The following ACO1 variants were observed in gnomAD, a reference collection of about 807,000 sequenced individuals.
ACO1 encodes the protein cytoplasmic aconitate hydratase.
Under a neutral mutation model 105.1 loss-of-function variants are expected in ACO1, and 78 were observed. That is an observed-to-expected ratio of 0.74 (90% CI 0.62 to 0.90). The LOEUF is 0.90. Among genes scored for constraint, ACO1 ranks in the 40% least tolerant of loss-of-function variants. The pLI is 0.00. For synonymous variants in ACO1, 364 were observed against 397.4 expected (o/e 0.92, Z 1.00); for missense variants, 965 against 1,111.1 (o/e 0.87, Z 1.87).
intron 9 of ACO1, among the ~76,000 whole-genome samples, 192 bp downstream of exon 9, chr9:32,423,611 C>T (rs1369825904): frequency 6.6e-6 from 1 of 152,222 alleles, no homozygotes; most frequent in African/African-American, 2.4e-5. Context: ...AATATAACTT[C>T]TTACATTCCT....
Position 32,448,996 on chromosome 9 carries a change from C to G in ACO1, c.2471C>G (p.Ala824Gly). The change falls in exon 20 of 21, where the codon GCA becomes GGA. Residue 824 changes from alanine (A) to glycine (G), a missense_variant. Ala to Gly is a moderately conservative substitution (Grantham distance 60, BLOSUM62 0). Transcript: ENST00000309951. The stretch of plus-strand genomic sequence containing the variant: ...CTTGAATATCTCCCTGGTGAGAATG[C>G]AGATGCCCTGGGGCTCACAGGGCAA... ...IPLEYLPGEN[A>G]DALGLTGQER... 6.2e-7 allele frequency: 1 copy of G among 1,614,150 alleles called. No homozygotes were observed.
chr9:32,409,265 G>A (rs774984109), intron 4 of ACO1, among the ~76,000 whole-genome samples: 1 of 152,208 alleles, frequency 6.6e-6, no homozygotes, highest in Non-Finnish European at 1.5e-5. Flanking sequence ...GAGTGGGCCT[G>A]TAGCCCTTGA....
intron 1 of ACO1, among the ~76,000 whole-genome samples, chr9:32,394,341 T>C (rs1821327220): frequency 6.6e-6 from 1 of 152,208 alleles, no homozygotes; most frequent in South Asian, 2.1e-4. Flanking sequence ...TAGCATGGGC[T>C]GCATGATGTT....
At chr9:32,422,066 T>G (rs762647252) in intron 8 of ACO1, among the ~76,000 whole-genome samples, 1 of 152,192 alleles carries the variant, frequency 6.6e-6, no homozygotes, top group Non-Finnish European at 1.5e-5. Flanking sequence ...AAAAGATAAC[T>G]AAAAGAACAG....
At chr9:32,448,827 T>C (rs1321364657) in intron 19 of ACO1, 69 bp from the exon 20 acceptor site, 2 of 1,565,368 alleles carry the variant, frequency 1.3e-6, no homozygotes, top group African/African-American at 2.7e-5. Flanking sequence ...TCTCACAAAG[T>C]CTTTTGTAAA....
chr9:32,447,560 G>C (rs1444031508), intron 19 of ACO1, among the ~76,000 whole-genome samples: 1 of 152,158 alleles, frequency 6.6e-6, no homozygotes, highest in Non-Finnish European at 1.5e-5. Context: ...TCTGAAGCCT[G>C]CTTCTGTCAA....
intron 1 of ACO1, among the ~76,000 whole-genome samples, chr9:32,398,492 T>C (rs1179273810): frequency 2.0e-5 from 3 of 152,124 alleles, no homozygotes; most frequent in Non-Finnish European, 4.4e-5. Context: ...ATGTGCAGTC[T>C]CCCTCACAAA....
At chr9:32,393,748 C>T (rs780921052) in intron 1 of ACO1, among the ~76,000 whole-genome samples, 1 of 152,002 alleles carries the variant, frequency 6.6e-6, no homozygotes, top group Admixed American at 6.6e-5. Context: ...TCAGACCGGC[C>T]GACACTTAGG....
intron 1 of ACO1, among the ~76,000 whole-genome samples, chr9:32,394,042 C>T (rs1463269553): frequency 1.3e-5 from 2 of 152,196 alleles, no homozygotes; most frequent in Non-Finnish European, 2.9e-5. Context: ...TTGCAGCAAC[C>T]TGGACCTTGC....
intron 1 of ACO1, among the ~76,000 whole-genome samples, chr9:32,401,332 GT>G (rs56109134): frequency 0.14 from 20,113 of 148,278 alleles, 1,478 homozygotes; most frequent in East Asian, 0.29. Context: ...GATTTTAAGG[GT>G]TTTTTTTTTC....
intron 1 of ACO1, among the ~76,000 whole-genome samples, chr9:32,397,060 A>G (rs1371958763): frequency 1.3e-5 from 2 of 152,130 alleles, no homozygotes; most frequent in Non-Finnish European, 2.9e-5. Flanking sequence ...AAAATAGACC[A>G]CTAACTTAAA....
At position 32,435,427 on chromosome 9, in the gene ACO1, A is replaced by G. The variant is rs565711202; in HGVS notation, c.2099+726A>G. Among the ~76,000 whole-genome samples, 398 of 152,266 alleles carry G rather than the reference A, an allele frequency of 2.6e-3. 3 individuals carry two copies. Among genetic ancestry groups the G allele is most frequent in the Non-Finnish European group, 4.2e-3 (287 of 68,002 alleles). ...CCTTCCCAGAAAAATGCACATACCC[A>G]CAACATTTTGGATAGTTTCAGGGAT... is the stretch of plus-strand genomic sequence containing the variant. On this transcript the variant is annotated intron_variant, in intron 17 of 20. Transcript: ENST00000309951.
At chr9:32,445,556 C>T in intron 19 of ACO1, 1 of 271,562 alleles carries the variant, frequency 3.7e-6, no homozygotes, top group South Asian at 3.1e-5. Flanking sequence ...TTTCAAAAAA[C>T]CAGCTCCTGG....
intron 6 of ACO1, 39 bp from the exon 7 acceptor site, chr9:32,418,999 G>A (rs1587534144): frequency 6.5e-7 from 1 of 1,535,846 alleles, no homozygotes; most frequent in Non-Finnish European, 8.8e-7. Context: ...AGAGTAAGGG[G>A]TAATGAAGGC....
Position 32,429,501 on chromosome 9 carries a change from CA to C in ACO1, c.1568del (p.Gln523ArgfsTer5). On this transcript the variant is annotated frameshift_variant and splice_region_variant, in exon 13 of 21. Transcript: ENST00000309951. LOFTEE classifies it high-confidence loss of function. ...TGAACCTGTGGTAGAAGCCATCACA[CA>C]GGTAATTGCAGAGGTCCCTGCAGGT... Reference protein sequence around the residue: ...LPEPVVEAITQGDLVAVGVLS... With the variant: ...LPEPVVEAITXGDLVAVGVLS... The C allele has an allele frequency of 6.2e-7, 1 of 1,613,786 alleles. No homozygotes were observed.
At position 32,425,870 on chromosome 9, in the gene ACO1, A is replaced by G; in HGVS notation, c.1221A>G (p.Glu407=). 4.3e-6 allele frequency: 7 copies of G among 1,613,760 alleles called. No homozygotes were observed. Among genetic ancestry groups the G allele is most frequent in the Non-Finnish European group, 5.9e-6 (7 of 1,179,734 alleles). ...TTAAAGGATTCCAAGTTGCTCCTGA[A>G]CATCATAATGACCATAAGACCTTTA... ...QGFKGFQVAP[E]HHNDHKTFIY... The change falls in exon 11 of 21, where the codon GAA becomes GAG. Residue 407 remains glutamate, a synonymous_variant. Transcript: ENST00000309951.
chr9:32,418,250 A>G (rs965472539), intron 5 of ACO1, 53 bp downstream of exon 5: 7 of 1,612,482 alleles, frequency 4.3e-6, no homozygotes, highest in Non-Finnish European at 5.9e-6. Flanking sequence ...GCAGGGTACG[A>G]GGGAGAGATG....
intron 16 of ACO1, 36 bp downstream of exon 16, chr9:32,433,868 T>A (rs891583588): frequency 5.4e-6 from 8 of 1,490,998 alleles, no homozygotes; most frequent in Non-Finnish European, 7.4e-6. Context: ...ATGAATTCTT[T>A]GAAGGGTTTC....
chr9:32,407,350 A>G lies in ACO1; in HGVS notation c.187A>G (p.Ile63Val). 6.2e-7 allele frequency: 1 copy of G among 1,614,202 alleles called. No individual in the cohort carries two copies. The highest frequency in any genetic ancestry group is 8.5e-7 in the Non-Finnish European group (1 of 1,180,030). The change falls in exon 3 of 21, where the codon ATT (isoleucine) becomes GTT (valine). Residue 63 changes from isoleucine (I) to valine (V), a missense_variant. Transcript: ENST00000309951. ...FLVKKQDIEN[I>V]LHWNVTQHKN... ...GGTGAAGAAACAGGATATTGAAAAT[A>G]TTCTACATTGGAATGTCACGCAGCA...
Sources: gnomAD v4.1 joint callset for allele counts (sites outside exome capture counted in the v4.1 genomes callset) on GRCh38, gnomAD v4.1.1 for gene constraint, MANE v1.5 for transcripts, NCBI Gene and HGNC (gene_info 2026-07-23, HGNC 2026-07-21) for gene names.